KDM5A: variants seen among roughly 807,000 people sequenced by gnomAD.
KDM5A encodes lysine-specific demethylase 5A.
KDM5A carries 42 observed loss-of-function variants against 193.5 expected under a neutral mutation model. The observed-to-expected ratio is 0.22, with a 90% CI of 0.17 to 0.28. KDM5A has a LOEUF of 0.28. Among genes scored for constraint, KDM5A ranks in the 10% least tolerant of loss-of-function variants. The pLI, the probability that KDM5A is intolerant of heterozygous loss-of-function variation, is 1.00. For missense variants in KDM5A, 1,692 were observed against 2,055.1 expected (o/e 0.82, Z 3.42); for synonymous variants, 796 against 718.1 (o/e 1.11, Z -1.73).
Position 328,920 on chromosome 12 carries a change from T to C in KDM5A, c.1883A>G (p.Asp628Gly). Residue 628 changes from aspartate (D) to glycine (G), a missense_variant, in exon 14 of 28, where the codon GAT becomes GGT. Transcript: ENST00000399788. ...FKMAADPECL[D>G]VGLAAMVCKE... ...GCAGACCATGGCAGCCAGCCCCACA[T>C]CTAAGCATTCTGGATCTGCTGCCAT... 1 of 1,614,206 alleles carries C rather than the reference T, an allele frequency of 6.2e-7. No individual in the cohort carries two copies.
intron 19 of KDM5A, among the ~76,000 whole-genome samples, chr12:314,879 G>A (rs1246350275): frequency 6.6e-6 from 1 of 152,206 alleles, no homozygotes; most frequent in African/African-American, 2.4e-5. Flanking sequence ...AGAATAGCAA[G>A]AGATAAGACT....
intron 22 of KDM5A, among the ~76,000 whole-genome samples, chr12:308,996 A>G (rs896451492): frequency 2.9e-4 from 44 of 152,234 alleles, no homozygotes; most frequent in Admixed American, 2.6e-3. Context: ...CACAATAGTA[A>G]TAAGAGTCAT....
intron 5 of KDM5A, 55 bp from the exon 6 acceptor site, chr12:356,592 T>C (rs542990797): frequency 7.2e-5 from 82 of 1,145,478 alleles, no homozygotes; most frequent in Non-Finnish European, 1.0e-4. Flanking sequence ...ATGCATTAAT[T>C]TTTTTACCCA....
intron 10 of KDM5A, among the ~76,000 whole-genome samples, chr12:349,816 C>G (rs1403139103): frequency 6.6e-6 from 1 of 151,528 alleles, no homozygotes; most frequent in Non-Finnish European, 1.5e-5. Flanking sequence ...AGTCATTGCA[C>G]TCAGCTTAAA....
At chr12:336,402 T>A (rs540923595) in intron 10 of KDM5A, among the ~76,000 whole-genome samples, 1 of 146,802 alleles carries the variant, frequency 6.8e-6, no homozygotes, top group South Asian at 2.1e-4. Context: ...AATAACAAAG[T>A]CCAACACAGG....
At chr12:364,112 C>T (rs1591933227) in intron 4 of KDM5A, among the ~76,000 whole-genome samples, 1 of 152,126 alleles carries the variant, frequency 6.6e-6, no homozygotes, top group African/African-American at 2.4e-5. Context: ...AAACTAGAAG[C>T]CTCTACATTA....
intron 4 of KDM5A, among the ~76,000 whole-genome samples, 185 bp from the exon 5 acceptor site, chr12:363,282 C>T (rs557733219): frequency 2.6e-5 from 4 of 151,994 alleles, no homozygotes; most frequent in Admixed American, 6.6e-5. Context: ...AATTGAAAGC[C>T]GACCCTAAAA....
intron 5 of KDM5A, among the ~76,000 whole-genome samples, chr12:357,465 A>G (rs943053746): frequency 6.6e-6 from 1 of 151,452 alleles, no homozygotes; most frequent in Non-Finnish European, 1.5e-5. Flanking sequence ...TTGTCCTACC[A>G]CACCCCAGCC....
At chr12:333,704 G>A in intron 11 of KDM5A, 55 bp from the exon 12 acceptor site, 2 of 1,500,618 alleles carry the variant, frequency 1.3e-6, no homozygotes, top group Non-Finnish European at 1.9e-6. Flanking sequence ...ATGAGGCTAG[G>A]GTATCTGATT....
chr12:347,844 C>T (rs1172233026), intron 10 of KDM5A, among the ~76,000 whole-genome samples: 14 of 151,424 alleles, frequency 9.2e-5, no homozygotes, highest in Non-Finnish European at 7.4e-5. Context: ...ATTCAGGACA[C>T]AGGCATGGGC....
chr12:289,038 C>A (rs535918209), intron 27 of KDM5A, among the ~76,000 whole-genome samples: 1 of 152,038 alleles, frequency 6.6e-6, no homozygotes, highest in Non-Finnish European at 1.5e-5. Context: ...TGAGGCAACA[C>A]CCCCATGAAA....
intron 2 of KDM5A, among the ~76,000 whole-genome samples, chr12:385,009 G>A (rs1944622685): frequency 6.6e-6 from 1 of 152,044 alleles, no homozygotes; most frequent in Admixed American, 6.6e-5. Flanking sequence ...GGCCAACACG[G>A]CAAAACTCCG....
At chr12:302,166 A>G (rs1003920176) in intron 24 of KDM5A, among the ~76,000 whole-genome samples, 1 of 152,220 alleles carries the variant, frequency 6.6e-6, no homozygotes, top group Non-Finnish European at 1.5e-5. Flanking sequence ...GAACTGGAAA[A>G]AACTACTTTG....
At chr12:316,534 A>G (rs1943652731) in intron 19 of KDM5A, among the ~76,000 whole-genome samples, 1 of 152,000 alleles carries the variant, frequency 6.6e-6, no homozygotes, top group Non-Finnish European at 1.5e-5. Flanking sequence ...GACTGATTAA[A>G]TATCAGAGAC....
chr12:364,790 A>C (rs1387838146), intron 4 of KDM5A, among the ~76,000 whole-genome samples: 1 of 151,438 alleles, frequency 6.6e-6, no homozygotes, highest in East Asian at 1.9e-4. Flanking sequence ...AAAAAAAAAA[A>C]AAAAAACAAA....
chr12:327,307 G>C (rs1466589296), intron 14 of KDM5A, among the ~76,000 whole-genome samples: 2 of 152,174 alleles, frequency 1.3e-5, no homozygotes, highest in Non-Finnish European at 2.9e-5. Context: ...CGTATTTCAT[G>C]AGTCTCCACC....
chr12:357,051 C>T lies in KDM5A; in HGVS notation c.673-514G>A, dbSNP rs1254237132. On this transcript the variant is annotated intron_variant, in intron 5 of 27. Coordinates refer to ENST00000399788, the MANE Select transcript of KDM5A (RefSeq NM_001042603.3). ...ATCCCAACACATTGGAAGGCCAAGG[C>T]AGGTGATCATTTGAGCTCAGGAGTT... Among the ~76,000 whole-genome samples, 3 of 152,172 alleles carry T rather than the reference C, an allele frequency of 2.0e-5. No homozygotes were observed. In the East Asian group the frequency reaches 5.8e-4, roughly 29 times the overall value.
intron 10 of KDM5A, among the ~76,000 whole-genome samples, chr12:348,934 CT>C (rs1944114156): frequency 6.7e-6 from 1 of 149,724 alleles, no homozygotes; most frequent in Non-Finnish European, 1.5e-5. Context: ...AAAAAAAAAC[CT>C]TATGGTGTCA....
Position 362,865 on chromosome 12 carries a change from A to G in KDM5A, c.672+98T>C. 2 of 1,113,570 alleles carry G rather than the reference A, an allele frequency of 1.8e-6. 1 individual carries two copies. Among genetic ancestry groups the G allele is most frequent in the South Asian group, 2.5e-5 (2 of 78,894 alleles). The allele number at this position is 1,113,570 out of a possible 1,614,324, so 69.0% of individuals were successfully genotyped here. ...CAGCAATACTCAAGAGGCGGAGGCA[A>G]GAGGATCACTTGAGCCAAGGAGTTC... On this transcript the variant is annotated intron_variant, in intron 5 of 27. Coordinates refer to ENST00000399788, the MANE Select transcript of KDM5A (RefSeq NM_001042603.3).
Sources: gnomAD v4.1 joint callset for allele counts (sites outside exome capture counted in the v4.1 genomes callset) on GRCh38, gnomAD v4.1.1 for gene constraint, MANE v1.5 for transcripts, NCBI Gene and HGNC (gene_info 2026-07-23, HGNC 2026-07-21) for gene names.